EXD3: variants seen among roughly 807,000 people sequenced by gnomAD.
EXD3 encodes the protein exonuclease 3'-5' domain containing 3.
Under a neutral mutation model 98.0 loss-of-function variants are expected in EXD3, and 92 were observed. The ratio of observed to expected loss-of-function variants is 0.94; its 90% confidence interval spans 0.79 to 1.12. The LOEUF (loss-of-function observed/expected upper bound fraction) is 1.12, where lower values mean the gene tolerates loss of function less well. Ranked by LOEUF, EXD3 falls within the 50% of genes most tolerant of loss-of-function variation. The pLI, the probability that EXD3 is intolerant of heterozygous loss-of-function variation, is 0.00. For missense variants in EXD3, 1,222 were observed against 1,191.6 expected (o/e 1.03, Z -0.38); for synonymous variants, 569 against 526.0 (o/e 1.08, Z -1.12).
rs539746946 is a variant in EXD3 at position 137,306,992 on chromosome 9, G to T, written c.2589C>A (p.Cys863Ter). The T allele has an allele frequency of 6.2e-7, 1 of 1,605,252 alleles. No homozygotes were observed. The highest frequency in any genetic ancestry group is 8.5e-7 in the Non-Finnish European group (1 of 1,175,472). The change falls in exon 22 of 22, where the codon TGC (cysteine) becomes TGA (stop). Residue 863 changes from cysteine (C) to a stop codon, truncating the protein, a stop_gained. Coordinates refer to ENST00000340951, the MANE Select transcript of EXD3 (RefSeq NM_017820.5). LOFTEE classifies it low-confidence loss of function (END_TRUNC). ...RDMLESAPSP[C>*]EPSPAPSPAS... ...CCGGGCTGGGGGCTGGGCTCGGCTC[G>T]CAGGGGCTGGGGGCGCTCTCCAGCA... is the stretch of plus-strand genomic sequence containing the variant.
At chr9:137,353,818 C>T (rs552981942) in intron 10 of EXD3, 2 of 986,434 alleles carry the variant, frequency 2.0e-6, no homozygotes, top group Non-Finnish European at 1.2e-6. Flanking sequence ...ACCCCACGGC[C>T]TCGAGGAGGG....
rs1837651542 is a variant in EXD3, at chr9:137,405,079, G to A, written c.-47-9675C>T. 6.6e-6 allele frequency among the ~76,000 whole-genome samples: 1 copy of A among 152,156 alleles called. No homozygotes were observed. Among genetic ancestry groups the A allele is most frequent in the South Asian group, 2.1e-4 (1 of 4,834 alleles). ...CTCACAGGTGAGCCAGGGGCTGGGA[G>A]GGGACACAGTGCTTTCCCACAGGTG... On this transcript the variant is annotated intron_variant, in intron 1 of 21. Transcript: ENST00000340951. This position sits in a 1 kb window ranked among gnomAD's most constrained non-coding sequence, Gnocchi z 4.1.
chr9:137,416,819 G>C (rs1463471898), intron 1 of EXD3, among the ~76,000 whole-genome samples: 1 of 151,848 alleles, frequency 6.6e-6, no homozygotes, highest in Non-Finnish European at 1.5e-5. Flanking sequence ...TCGCAGGGGT[G>C]CTCTTGGAGG....
rs563761495 is a variant in EXD3, at chr9:137,346,238, C to CAAAAAAAAAAAAAAA, written c.1998+1818_1998+1832dup. On this transcript the variant is annotated intron_variant, in intron 17 of 21. Transcript: ENST00000340951. ...TGGGAGACAGAGCAAGACTCCGTCT[C>CAAAAAAAAAAAAAAA]AAAAAAAAAAAAAAAAAAAAAAAAA... 3.7e-3 allele frequency among the ~76,000 whole-genome samples: 51 copies of CAAAAAAAAAAAAAAA among 13,616 alleles called. 5 individuals carry two copies. The highest frequency in any genetic ancestry group is 0.013 in the African/African-American group (45 of 3,510). 8.9% of individuals were successfully genotyped at this position (13,616 alleles called of 152,430 possible). A position where few individuals can be genotyped will look rare whatever the true frequency, so the allele number is the denominator to read the frequency against.
chr9:137,348,803 A>C (rs1834092823), intron 16 of EXD3, among the ~76,000 whole-genome samples: 1 of 107,562 alleles, frequency 9.3e-6, no homozygotes, highest in Admixed American at 1.1e-4. Context: ...AGGGGTGGGG[A>C]TCACGGGGAG....
Position 137,407,974 on chromosome 9 carries a change from CGGGGGTCTCCCCAGCCTCATGCCTCT to C in EXD3, c.-47-12596_-47-12571del, listed in dbSNP as rs901571751. The stretch of plus-strand genomic sequence containing the variant: ...CAGGGGTTTTCCAGCCTCACGCCTC[CGGGGGTCTCCCCAGCCTCATGCCTCT>C]GGGGATCTCCCACCCTCATGCCTCC... On this transcript the variant is annotated intron_variant, in intron 1 of 21. Transcript: ENST00000340951. The surrounding 1 kb of genome is among the most constrained non-coding windows in gnomAD (Gnocchi z 4.4). 3.9e-5 allele frequency among the ~76,000 whole-genome samples: 6 copies of C among 152,204 alleles called. No individual in the cohort carries two copies. Among genetic ancestry groups the C allele is most frequent in the South Asian group, 2.1e-4 (1 of 4,814 alleles).
intron 17 of EXD3, among the ~76,000 whole-genome samples, chr9:137,328,560 A>G (rs1832635606): frequency 6.7e-6 from 1 of 150,254 alleles, no homozygotes; most frequent in African/African-American, 2.5e-5. Context: ...CAAAGGGAAG[A>G]AACAGACTAG....
In EXD3 at chr9:137,367,731, G is replaced by C. The variant is rs527573061; in HGVS notation, c.516+205C>G. On this transcript the variant is annotated intron_variant, in intron 6 of 21. Coordinates refer to ENST00000340951, the MANE Select transcript of EXD3 (RefSeq NM_017820.5). ...GGGGACAGCTGGACACGGGGTTCGT[G>C]TACGTGCGGCTGCGTCTGATTTGGG... The C allele has an allele frequency of 7.3e-6, 4 of 549,796 alleles. No individual in the cohort carries two copies. In the Admixed American group the frequency reaches 9.5e-5, roughly 13 times the overall value. 34.1% of individuals were successfully genotyped at this position (549,796 alleles called of 1,614,324 possible). A position where few individuals can be genotyped will look rare whatever the true frequency, so the allele number is the denominator to read the frequency against.
chr9:137,370,177 C>A (rs1012697268), intron 5 of EXD3, among the ~76,000 whole-genome samples: 1 of 152,174 alleles, frequency 6.6e-6, no homozygotes, highest in Non-Finnish European at 1.5e-5. Flanking sequence ...CCTGGCCTGA[C>A]CCCTGTCTCA....
At chr9:137,386,180 G>T (rs1445315458) in intron 2 of EXD3, among the ~76,000 whole-genome samples, 2 of 151,994 alleles carry the variant, frequency 1.3e-5, no homozygotes, top group African/African-American at 2.4e-5. Flanking sequence ...TGAGGTCCCA[G>T]CCACTTGGGA....
chr9:137,355,478 A>AGGAGAAAG lies in EXD3; in HGVS notation c.758-706_758-705insCTTTCTCC, dbSNP rs1588335525. 3.3e-3 allele frequency among the ~76,000 whole-genome samples: 20 copies of AGGAGAAAG among 6,110 alleles called. 1 individual carries two copies. Among genetic ancestry groups the AGGAGAAAG allele is most frequent in the South Asian group, 7.6e-3 (1 of 132 alleles). 4.0% of individuals were successfully genotyped at this position (6,110 alleles called of 152,430 possible). The stretch of plus-strand genomic sequence containing the variant: ...AGGAAGGAGAAAGGAGGAAGGAGGA[A>AGGAGAAAG]GGAGGAAGGAGGATGGAGGAAGGAG... On this transcript the variant is annotated intron_variant, in intron 8 of 21. Transcript: ENST00000340951.
At chr9:137,342,514 AGGGACTCATTGC>A in intron 17 of EXD3, among the ~76,000 whole-genome samples, 1 of 152,182 alleles carries the variant, frequency 6.6e-6, no homozygotes, top group Non-Finnish European at 1.5e-5. Context: ...GAAGTTCATT[AGGGACTCATTGC>A]CTGAGGTTTT....
intron 1 of EXD3, among the ~76,000 whole-genome samples, chr9:137,411,461 A>G (rs1035085052): frequency 6.6e-6 from 1 of 151,764 alleles, no homozygotes; most frequent in African/African-American, 2.4e-5. Flanking sequence ...GACCGGCGGG[A>G]CCAACAGGAT....
At chr9:137,370,835 T>C (rs1195090435) in intron 5 of EXD3, among the ~76,000 whole-genome samples, 3 of 151,222 alleles carry the variant, frequency 2.0e-5, no homozygotes, top group Non-Finnish European at 2.9e-5. Context: ...CTTTTTACCT[T>C]GATAAGCTGT....
chr9:137,330,593 A>ACTACATAGGAG (rs1564482302), intron 17 of EXD3, among the ~76,000 whole-genome samples: 16 of 70,774 alleles, frequency 2.3e-4, no homozygotes, highest in Non-Finnish European at 3.0e-4. Flanking sequence ...ACTACACAGG[A>ACTACATAGGAG]CTACACAGGA....
At chr9:137,390,742 G>C (rs1198179584) in intron 2 of EXD3, among the ~76,000 whole-genome samples, 2 of 152,192 alleles carry the variant, frequency 1.3e-5, no homozygotes, top group Non-Finnish European at 2.9e-5. Context: ...CCCGAGGTTT[G>C]GCTCCGCAGC....
intron 6 of EXD3, chr9:137,367,731 G>A: frequency 1.8e-6 from 1 of 549,794 alleles, no homozygotes; most frequent in African/African-American, 1.9e-5. Context: ...CGGGGTTCGT[G>A]TACGTGCGGC....
intron 8 of EXD3, among the ~76,000 whole-genome samples, chr9:137,355,514 GGAGGAA>G (rs1381203830): frequency 3.5e-4 from 29 of 83,066 alleles, no homozygotes; most frequent in Non-Finnish European, 6.0e-4. Flanking sequence ...GAAGGAGGAA[GGAGGAA>G]GGAGGATGGA....
chr9:137,358,803 C>T (rs1453907817), intron 7 of EXD3, among the ~76,000 whole-genome samples: 4 of 151,884 alleles, frequency 2.6e-5, no homozygotes, highest in Non-Finnish European at 5.9e-5. Flanking sequence ...ACCCTCCCAC[C>T]TCAGCCCTGA....
Sources: allele counts gnomAD v4.1 joint callset (sites outside exome capture counted in the v4.1 genomes callset), GRCh38; gene constraint gnomAD v4.1.1; non-coding constraint Gnocchi (gnomAD v3.1); transcripts MANE v1.5; gene names NCBI Gene and HGNC (gene_info 2026-07-23, HGNC 2026-07-21).